ITPR2: variants seen among roughly 807,000 people sequenced by gnomAD.
ITPR2 encodes inositol 1,4,5-trisphosphate receptor type 2.
Under a neutral mutation model 317.1 loss-of-function variants are expected in ITPR2, and 207 were observed. The ratio of observed to expected loss-of-function variants is 0.65; its 90% CI spans 0.58 to 0.73. The LOEUF is 0.73. Ranked by LOEUF, ITPR2 falls within the 30% of genes least tolerant of loss-of-function variation. The pLI, the probability that ITPR2 is intolerant of heterozygous loss-of-function variation, is 0.00. For synonymous variants in ITPR2, 1,156 were observed against 1,149.1 expected, an observed-to-expected ratio of 1.01 and a Z score of -0.12; for missense variants, 2,613 against 3,284.0, an observed-to-expected ratio of 0.80 and a Z score of 4.99.
chr12:26,614,408 C>T (rs908770354), intron 26 of ITPR2, among the ~76,000 whole-genome samples: 2 of 152,108 alleles, frequency 1.3e-5, no homozygotes, highest in Non-Finnish European at 2.9e-5. Context: ...AGGCTAGCAG[C>T]GCCCCCTGCC....
At chr12:26,676,503 C>G (rs984873456) in intron 13 of ITPR2, among the ~76,000 whole-genome samples, 1 of 148,016 alleles carries the variant, frequency 6.8e-6, no homozygotes, top group African/African-American at 2.5e-5. Context: ...AGAGTAAAGG[C>G]AAAATAAAGA....
At chr12:26,778,202 G>A (rs1356291833) in intron 2 of ITPR2, among the ~76,000 whole-genome samples, 1 of 152,166 alleles carries the variant, frequency 6.6e-6, no homozygotes, top group Admixed American at 6.5e-5. Flanking sequence ...AGGCCAAATG[G>A]AAGCCACTGA....
chr12:26,495,466 G>A, intron 37 of ITPR2: 1 of 479,608 alleles, frequency 2.1e-6, no homozygotes, highest in Non-Finnish European at 3.7e-6. Flanking sequence ...AAATAAAGAG[G>A]GTGGGAGAAG....
chr12:26,608,077 T>C (rs551827270), intron 26 of ITPR2, among the ~76,000 whole-genome samples: 89 of 152,156 alleles, frequency 5.8e-4, no homozygotes, highest in African/African-American at 2.0e-3. Context: ...GCCGAGATCG[T>C]GCCACTGCAC....
At chr12:26,746,949 A>T (rs908951209) in intron 2 of ITPR2, among the ~76,000 whole-genome samples, 3 of 152,170 alleles carry the variant, frequency 2.0e-5, no homozygotes, top group Non-Finnish European at 2.9e-5. Context: ...AAGCAAAAAC[A>T]TGCTTCCTTT....
intron 5 of ITPR2, 129 bp downstream of exon 5, chr12:26,722,268 T>G: frequency 1.4e-6 from 1 of 702,088 alleles, no homozygotes; most frequent in Non-Finnish European, 2.3e-6. Flanking sequence ...ACCTAGTAGA[T>G]ACTAACATAA....
intron 52 of ITPR2, among the ~76,000 whole-genome samples, chr12:26,408,686 C>T (rs1591997425): frequency 6.6e-6 from 1 of 152,156 alleles, no homozygotes; most frequent in East Asian, 1.9e-4. Flanking sequence ...TCTGGAACAA[C>T]AAGTACTAGC....
intron 21 of ITPR2, among the ~76,000 whole-genome samples, chr12:26,646,175 T>A (rs543039125): frequency 2.0e-5 from 3 of 152,232 alleles, no homozygotes; most frequent in South Asian, 2.1e-4. Context: ...GAAGATTACA[T>A]ACTAATCTTC....
intron 45 of ITPR2, among the ~76,000 whole-genome samples, chr12:26,471,558 C>G (rs1318485142): frequency 6.6e-6 from 1 of 152,130 alleles, no homozygotes; most frequent in East Asian, 1.9e-4. Context: ...AGACAAGACA[C>G]TTACAAGAAG....
intron 1 of ITPR2, among the ~76,000 whole-genome samples, chr12:26,799,684 T>A (rs1950520390): frequency 6.6e-6 from 1 of 152,230 alleles, no homozygotes; most frequent in African/African-American, 2.4e-5. Flanking sequence ...AATAACTTCC[T>A]TTTCTTGATC....
chr12:26,357,977 C>G (rs1938694244), intron 55 of ITPR2, among the ~76,000 whole-genome samples: 1 of 152,204 alleles, frequency 6.6e-6, no homozygotes. Context: ...TTTGGTTGAA[C>G]TATTACAAAG....
chr12:26,602,440 T>C lies in ITPR2; in HGVS notation c.3608A>G (p.His1203Arg). Reference protein sequence around the residue: ...CVQNKKCRNQHQRLLKNMGAH... With the variant: ...CVQNKKCRNQRQRLLKNMGAH... ...CCCCATATTTTTCAGTAATCGTTGATGTTGATTCCGACACTTTTTATTCTG... is the reference window on the plus strand; with the variant it reads ...CCCCATATTTTTCAGTAATCGTTGACGTTGATTCCGACACTTTTTATTCTG... The change falls in exon 28 of 57, where the codon CAT (histidine) becomes CGT (arginine). Residue 1203 changes from histidine (H) to arginine (R), a missense_variant. Physicochemically the swap from His to Arg is conservative, Grantham distance 29 (BLOSUM62 0). Coordinates refer to ENST00000381340, the MANE Select transcript of ITPR2 (RefSeq NM_002223.4). 6.2e-7 allele frequency: 1 copy of C among 1,613,882 alleles called. No individual in the cohort carries two copies. The highest frequency in any genetic ancestry group is 8.5e-7 in the Non-Finnish European group (1 of 1,179,806).
At chr12:26,470,006 T>TAA (rs1347193098) in intron 45 of ITPR2, among the ~76,000 whole-genome samples, 18 of 152,114 alleles carry the variant, frequency 1.2e-4, no homozygotes, top group Admixed American at 1.2e-3. Flanking sequence ...CGGAAGTGAG[T>TAA]AATGGCTCCC....
At chr12:26,768,957 T>C (rs1949790661) in intron 2 of ITPR2, among the ~76,000 whole-genome samples, 1 of 150,754 alleles carries the variant, frequency 6.6e-6, no homozygotes, top group African/African-American at 2.4e-5. Context: ...CCCTTCAGAG[T>C]CTCTGTAAGT....
chr12:26,771,832 C>T (rs889727381), intron 2 of ITPR2, among the ~76,000 whole-genome samples: 2 of 151,920 alleles, frequency 1.3e-5, no homozygotes, highest in Non-Finnish European at 2.9e-5. Flanking sequence ...GTTTTTTGGG[C>T]TTTGGGGGGA....
rs573530292 is a variant in ITPR2 at position 26,339,442 on chromosome 12, G to A, written c.8061C>T (p.Leu2687=). The A allele has an allele frequency of 1.4e-5, 22 of 1,613,822 alleles. No homozygotes were observed. Among genetic ancestry groups the A allele is most frequent in the Middle Eastern group, 3.3e-4 (2 of 6,056 alleles). Reference sequence around the variant, plus strand: ...GATTCACATGGGGTGTGTTTGATCCGAGGAAGCCCAGTCTCTGCTTATTCT... The same window carrying A: ...GATTCACATGGGGTGTGTTTGATCCAAGGAAGCCCAGTCTCTGCTTATTCT... ...QRKNKQRLGF[L]GSNTPHVNHH... is the part of the protein sequence containing the mutation. Residue 2687 remains leucine, a synonymous_variant, in exon 57 of 57, where the codon CTC becomes CTT. Coordinates refer to ENST00000381340, the MANE Select transcript of ITPR2 (RefSeq NM_002223.4).
chr12:26,485,358 A>G (rs1419526206), intron 41 of ITPR2, among the ~76,000 whole-genome samples: 1 of 152,230 alleles, frequency 6.6e-6, no homozygotes, highest in Non-Finnish European at 1.5e-5. Flanking sequence ...AAACTGTTCA[A>G]TCAGATACTA....
Position 26,624,274 on chromosome 12 carries a change from T to C in ITPR2, c.3122+25A>G, listed in dbSNP as rs367759457. ...AGTAAAATGTTATTCACAAGTAAGATAAAGATATATAAATGTTACTATACC... is the reference window on the plus strand; with the variant it reads ...AGTAAAATGTTATTCACAAGTAAGACAAAGATATATAAATGTTACTATACC... On this transcript the variant is annotated intron_variant, in intron 24 of 56. Coordinates refer to ENST00000381340, the MANE Select transcript of ITPR2 (RefSeq NM_002223.4). 2.4e-5 allele frequency: 35 copies of C among 1,469,146 alleles called. 1 individual carries two copies. In the South Asian group the frequency reaches 3.0e-4, roughly 13 times the overall value. The allele number at this position is 1,469,146 out of a possible 1,614,324, so 91.0% of individuals were successfully genotyped here.
At chr12:26,435,865 C>A (rs16930702) in intron 48 of ITPR2, among the ~76,000 whole-genome samples, 7 of 151,898 alleles carry the variant, frequency 4.6e-5, no homozygotes, top group African/African-American at 1.7e-4. Flanking sequence ...AAAATATAAA[C>A]GCCAGTATTT....
Sources: allele counts gnomAD v4.1 joint callset (sites outside exome capture counted in the v4.1 genomes callset), GRCh38; gene constraint gnomAD v4.1.1; transcripts MANE v1.5; gene names NCBI Gene and HGNC (gene_info 2026-07-23, HGNC 2026-07-21).